The following ENO4 variants were observed in gnomAD, a reference collection of about 807,000 sequenced individuals.
The protein encoded by ENO4 is 2-phospho-D-glycerate hydro-lyase.
ENO4 carries 53 observed loss-of-function variants against 63.2 expected under a neutral mutation model. The ratio of observed to expected loss-of-function variants is 0.84; its 90% CI spans 0.67 to 1.05. The LOEUF (loss-of-function observed/expected upper bound fraction) is 1.05, where lower values mean the gene tolerates loss of function less well. Among genes scored for constraint, ENO4 ranks in the 50% least tolerant of loss-of-function variants. ENO4 has a pLI of 0.00. For synonymous variants in ENO4, 266 were observed against 283.8 expected (o/e 0.94, Z 0.63); for missense variants, 719 against 772.0 (o/e 0.93, Z 0.81).
At chr10:116,877,727 T>G (rs1846879583) in intron 11 of ENO4, among the ~76,000 whole-genome samples, 1 of 152,128 alleles carries the variant, frequency 6.6e-6, no homozygotes, top group Non-Finnish European at 1.5e-5. Flanking sequence ...CCAGTGCTGG[T>G]GCATCTGGGA....
At chr10:116,879,834 C>T (rs1015453694) in intron 12 of ENO4, 35 bp from the exon 13 acceptor site, 2 of 1,460,724 alleles carry the variant, frequency 1.4e-6, no homozygotes, top group Non-Finnish European at 9.4e-7. Context: ...AGACATGGCT[C>T]CTCCGTCTAA....
At chr10:116,871,400 G>GT (rs959650048) in intron 9 of ENO4, 108 bp downstream of exon 9, 30 of 1,015,156 alleles carry the variant, frequency 3.0e-5, no homozygotes, top group South Asian at 7.0e-5. Flanking sequence ...AGATCTTATT[G>GT]TTTTTTTATT....
chr10:116,902,985 C>T lies in ENO4; in HGVS notation c.1195-8514C>T, dbSNP rs893215624. ...ATTTGGATTTAATGTGCCTGATATA[C>T]TCAGTATAATAGCGTAACATATCAA... On this transcript the variant is annotated intron_variant, in intron 10 of 10. Transcript: ENST00000369207. Among the ~76,000 whole-genome samples, 4 of 152,216 alleles carry T rather than the reference C, an allele frequency of 2.6e-5. No homozygotes were observed. In the South Asian group the frequency reaches 8.3e-4, roughly 32 times the overall value.
intron 10 of ENO4, among the ~76,000 whole-genome samples, chr10:116,908,811 C>T (rs1329166827): frequency 1.5e-4 from 23 of 152,298 alleles, no homozygotes; most frequent in Admixed American, 1.3e-3. Flanking sequence ...TAGTAAGCTA[C>T]TCTCTCATCA....
In ENO4 at chr10:116,879,961, A is replaced by G. The variant is rs1023034273; in HGVS notation, c.1698A>G (p.Glu566=). The part of the protein sequence containing the change: ...TKYNRLLTIE[E]ELVQNGTLGF... ...ACAACCGCCTTCTCACTATAGAGGAAGAACTTGTCCAGAATGGAACACTGG... is the reference window on the plus strand; with the variant it reads ...ACAACCGCCTTCTCACTATAGAGGAGGAACTTGTCCAGAATGGAACACTGG... Residue 566 remains glutamate, a synonymous_variant, in exon 13 of 14, where the codon GAA becomes GAG. Coordinates refer to ENST00000341276, the MANE Select transcript of ENO4 (RefSeq NM_001242699.2). 6 of 1,550,840 alleles carry G rather than the reference A, an allele frequency of 3.9e-6. No individual in the cohort carries two copies. The highest frequency in any genetic ancestry group is 1.7e-4 in the Middle Eastern group (1 of 5,996).
exon 11 of ENO4, chr10:116,911,618 T>C: frequency 1.3e-6 from 2 of 1,552,690 alleles, no homozygotes; most frequent in Non-Finnish European, 1.7e-6. Context: ...TGAAAAATTA[T>C]TAACATATGT....
At chr10:116,859,502 C>T (rs894663264) in intron 4 of ENO4, among the ~76,000 whole-genome samples, 2 of 152,096 alleles carry the variant, frequency 1.3e-5, no homozygotes, top group African/African-American at 4.8e-5. Context: ...GTTTTGATTC[C>T]TTTGATATGA....
At chr10:116,865,498 C>T (rs932073236) in intron 7 of ENO4, among the ~76,000 whole-genome samples, 7 of 152,106 alleles carry the variant, frequency 4.6e-5, no homozygotes, top group African/African-American at 1.2e-4. Flanking sequence ...TCTTTATATA[C>T]GGTAGACCTA....
chr10:116,911,780 C>A (rs534050471), exon 11 of ENO4: 1 of 1,606,352 alleles, frequency 6.2e-7, no homozygotes, highest in African/African-American at 1.3e-5. Flanking sequence ...AAACTGAAAT[C>A]TATTCTTACC....
chr10:116,857,145 T>C (rs1846287034), intron 3 of ENO4, among the ~76,000 whole-genome samples: 1 of 152,186 alleles, frequency 6.6e-6, no homozygotes, highest in African/African-American at 2.4e-5. Flanking sequence ...TTTGTTTTTC[T>C]CCTGAAAACC....
chr10:116,875,851 ACCTT>A (rs1271452521), intron 10 of ENO4, among the ~76,000 whole-genome samples: 7 of 152,138 alleles, frequency 4.6e-5, no homozygotes, highest in African/African-American at 9.7e-5. Flanking sequence ...TATTCATAAA[ACCTT>A]TAAGCTCAAA....
chr10:116,877,496 G>A (rs1470010684), intron 11 of ENO4, among the ~76,000 whole-genome samples: 1 of 152,162 alleles, frequency 6.6e-6, no homozygotes, highest in African/African-American at 2.4e-5. Flanking sequence ...TTAGAAAACA[G>A]GCAACAAGAT....
At chr10:116,854,475 G>A (rs1332067951) in intron 1 of ENO4, among the ~76,000 whole-genome samples, 8 of 151,174 alleles carry the variant, frequency 5.3e-5, no homozygotes, top group Admixed American at 2.0e-4. Context: ...CAGGAGAATC[G>A]CTTGAACCCA....
intron 11 of ENO4, among the ~76,000 whole-genome samples, chr10:116,876,502 G>A (rs1441221331): frequency 6.6e-6 from 1 of 152,228 alleles, no homozygotes; most frequent in Non-Finnish European, 1.5e-5. Context: ...CAGAGGTATG[G>A]CCAAGGCCAC....
At chr10:116,886,196 G>C, downstream of ENO4, 1 of 1,109,614 alleles carries the variant, frequency 9.0e-7, no homozygotes, top group Non-Finnish European at 1.3e-6. Context: ...GTTTATAGTT[G>C]CTACTTACAA....
chr10:116,895,585 G>A (rs1168327297), intron 10 of ENO4, among the ~76,000 whole-genome samples: 1 of 152,154 alleles, frequency 6.6e-6, no homozygotes, highest in Non-Finnish European at 1.5e-5. Flanking sequence ...TGAGTATGCA[G>A]GGTCTAAGGA....
At position 116,881,932 on chromosome 10, in the gene ENO4, TC is replaced by T. The variant is rs1847028831; in HGVS notation, c.*265del. The T allele has an allele frequency of 6.2e-6, 2 of 320,794 alleles. No individual in the cohort carries two copies. Among genetic ancestry groups the T allele is most frequent in the East Asian group, 1.0e-4 (2 of 19,878 alleles). 19.9% of individuals were successfully genotyped at this position (320,794 alleles called of 1,614,324 possible). ...TCCTGTCCATTTTTCAGGGACACGC[TC>T]CAGTAAAAGAGGCCAATATTTTTGT... On this transcript the variant is annotated 3_prime_UTR_variant, in exon 14 of 14. Coordinates refer to ENST00000341276, the MANE Select transcript of ENO4 (RefSeq NM_001242699.2).
At chr10:116,881,099 T>G (rs1846993773) in intron 13 of ENO4, among the ~76,000 whole-genome samples, 1 of 152,290 alleles carries the variant, frequency 6.6e-6, no homozygotes, top group East Asian at 1.9e-4. Flanking sequence ...GCTCAGCCAT[T>G]AAAATGTTGT....
chr10:116,886,862 C>T (rs954807564), downstream of ENO4, among the ~76,000 whole-genome samples: 22 of 152,194 alleles, frequency 1.4e-4, no homozygotes, highest in African/African-American at 4.1e-4. Context: ...TCTCAGGAAG[C>T]GTAAAGCTCA....
Sources: allele counts gnomAD v4.1 joint callset (sites outside exome capture counted in the v4.1 genomes callset), GRCh38; gene constraint gnomAD v4.1.1; transcripts MANE v1.5; gene names NCBI Gene and HGNC (gene_info 2026-07-23, HGNC 2026-07-21).